Variants in MUC5B observed in about 807,000 individuals in gnomAD.
MUC5B encodes mucin-5B.
In MUC5B, 116 loss-of-function variants were observed where a neutral mutation model predicts 376.9. The ratio of observed to expected loss-of-function variants is 0.31; its 90% confidence interval spans 0.26 to 0.36. MUC5B has a LOEUF of 0.36. MUC5B is among the 10% of genes least tolerant of loss of function. The probability of loss-of-function intolerance (pLI) is 1.00; values close to 1 mark genes in which losing one functional copy is unlikely to be tolerated. For synonymous variants in MUC5B, 3,517 were observed against 3,390.9 expected (o/e 1.04, Z -1.29); for missense variants, 7,165 against 7,769.9 (o/e 0.92, Z 2.93).
At chr11:1,231,032 G>A in intron 13 of MUC5B, 27 bp downstream of exon 13, 4 of 1,555,508 alleles carry the variant, frequency 2.6e-6, no homozygotes, top group Non-Finnish European at 3.5e-6. Context: ...GGACGGCCGG[G>A]CTGGGTGGCG....
In MUC5B at chr11:1,244,304, C is replaced by T. The variant is rs375697874; in HGVS notation, c.7424C>T (p.Thr2475Met). ...GAGCCGAGCACTACAGCCACCGTGA[C>T]GGTGCCCACCGGATCCACGGCCACC... ...LTEPSTTATV[T>M]VPTGSTATAS... The change falls in exon 31 of 49, where the codon ACG (threonine) becomes ATG (methionine). Residue 2475 changes from threonine to methionine, a missense_variant. This residue lies in a region of MUC5B where 194 missense variants were observed against 268.5 expected (regional missense o/e 0.72). Coordinates refer to ENST00000529681, the MANE Select transcript of MUC5B (RefSeq NM_002458.3). The T allele has an allele frequency of 5.4e-4, 860 of 1,605,106 alleles. 3 individuals are homozygous for T. In the East Asian group the frequency reaches 0.015, roughly 28 times the overall value.
rs377558815 is a variant in MUC5B at position 1,233,088 on chromosome 11, G to T, written c.2141G>T (p.Gly714Val). 46 of 1,607,414 alleles carry T rather than the reference G, an allele frequency of 2.9e-5. No homozygotes were observed. Among genetic ancestry groups the T allele is most frequent in the Non-Finnish European group, 2.6e-5 (31 of 1,179,290 alleles). ...VVDACQPTCR[G>V]LSEADVTCSV... ...GATGCCTGCCAGCCCACTTGCCGCG[G>T]CCTGAGTGAGGCCGACGTCACCTGC... The change falls in exon 18 of 49, where the codon GGC becomes GTC. Residue 714 changes from glycine to valine, a missense_variant. This residue lies in a region of MUC5B where 530 missense variants were observed against 604.0 expected (regional missense o/e 0.88). Coordinates refer to ENST00000529681, the MANE Select transcript of MUC5B (RefSeq NM_002458.3).
intron 9 of MUC5B, 113 bp downstream of exon 9, chr11:1,229,408 C>A: frequency 7.8e-7 from 1 of 1,276,972 alleles, no homozygotes; most frequent in Non-Finnish European, 1.1e-6. Context: ...AAGGTCCCAC[C>A]AGAGGGCCCA....
At position 1,252,473 on chromosome 11, in the gene MUC5B, G is replaced by A. The variant is rs1359145411; in HGVS notation, c.14994G>A (p.Leu4998=). The change falls in exon 32 of 49, where the codon CTG becomes CTA. Residue 4998 remains leucine (L), a synonymous_variant. Coordinates refer to ENST00000529681, the MANE Select transcript of MUC5B (RefSeq NM_002458.3). The part of the protein sequence containing the change: ...TSPPPVSSAP[L]SSPSPAPGCD... ...CACCGCCAGTGTCCTCCGCCCCGCT[G>A]TCCTCGCCCTCCCCTGCCCCTGGCT... The A allele has an allele frequency of 1.3e-6, 2 of 1,594,616 alleles. No individual in the cohort carries two copies. Among genetic ancestry groups the A allele is most frequent in the Non-Finnish European group, 1.7e-6 (2 of 1,171,618 alleles).
chr11:1,241,585 G>T lies in MUC5B; in HGVS notation c.4705G>T (p.Asp1569Tyr). 6.2e-7 allele frequency: 1 copy of T among 1,612,300 alleles called. No individual in the cohort carries two copies. The highest frequency in any genetic ancestry group is 8.5e-7 in the Non-Finnish European group (1 of 1,179,290). ...ACAGGTGGGGCAGAAGGTGCACTGT[G>T]ACGTCCACTTCGGCCTGGTGTGCAG... ...LAQVGQKVHCDVHFGLVCRNW... is the reference protein window; with the variant it reads ...LAQVGQKVHCYVHFGLVCRNW... The change falls in exon 31 of 49, where the codon GAC becomes TAC. Residue 1569 changes from aspartate to tyrosine, a missense_variant. Physicochemically the swap from Asp to Tyr is radical, Grantham distance 160 (BLOSUM62 -3). Transcript: ENST00000529681.
chr11:1,223,617 C>T (rs577495018), intron 1 of MUC5B, among the ~76,000 whole-genome samples: 3 of 152,276 alleles, frequency 2.0e-5, no homozygotes, highest in African/African-American at 4.8e-5. Context: ...CTACCCTTCA[C>T]GACCTCCCTG....
At chr11:1,239,715 G>A in intron 27 of MUC5B, 84 bp from the exon 28 acceptor site, 1 of 1,500,332 alleles carries the variant, frequency 6.7e-7, no homozygotes, top group South Asian at 1.3e-5. Context: ...CTGGTGGGGG[G>A]CGGCTACTCC....
rs775597611 is a variant in MUC5B at position 1,243,690 on chromosome 11, G to T, written c.6810G>T (p.Thr2270=). The part of the protein sequence containing the change: ...RTTESPPSPG[T]TTPGHTTATS... Reference sequence around the variant, plus strand: ...CCGAGTCACCCCCTTCTCCAGGGACGACCACCCCGGGCCACACCACGGCCA... The same window carrying T: ...CCGAGTCACCCCCTTCTCCAGGGACTACCACCCCGGGCCACACCACGGCCA... Residue 2270 remains threonine, a synonymous_variant, in exon 31 of 49, where the codon ACG becomes ACT. Coordinates refer to ENST00000529681, the MANE Select transcript of MUC5B (RefSeq NM_002458.3). The T allele has an allele frequency of 6.2e-7, 1 of 1,610,806 alleles. No individual in the cohort carries two copies. The highest frequency in any genetic ancestry group is 1.7e-5 in the Admixed American group (1 of 59,940).
In MUC5B at chr11:1,233,907, T is replaced by C. The variant is rs931433580; in HGVS notation, c.2377+59T>C. On this transcript the variant is annotated intron_variant, in intron 19 of 48. Transcript: ENST00000529681. The stretch of plus-strand genomic sequence containing the variant: ...CCGCCCCGCATCACCCCGCCTGGCC[T>C]GGCCCCAACACGCCCCACCCTGCCC... 130 of 1,502,662 alleles carry C rather than the reference T, an allele frequency of 8.7e-5. No individual in the cohort carries two copies. The African/African-American group carries it at 1.6e-3, about 18-fold the overall frequency. The allele number at this position is 1,502,662 out of a possible 1,614,324, so 93.1% of individuals were successfully genotyped here.
rs55953405 is a variant in MUC5B at position 1,239,727 on chromosome 11, T to C, written c.3584-72T>C. ...TGGCTGGTGGGGGGCGGCTACTCCC[T>C]GCAGCATGGAGCCCCTGGCTGGAGA... is the stretch of plus-strand genomic sequence containing the variant. On this transcript the variant is annotated intron_variant, in intron 27 of 48. Coordinates refer to ENST00000529681, the MANE Select transcript of MUC5B (RefSeq NM_002458.3). The C allele has an allele frequency of 3.9e-4, 602 of 1,527,222 alleles. 8 individuals carry two copies. The East Asian group carries it at 9.2e-3, about 23-fold the overall frequency. 94.6% of individuals were successfully genotyped at this position (1,527,222 alleles called of 1,614,324 possible).
At position 1,230,575 on chromosome 11, in the gene MUC5B, C is replaced by T. The variant is rs373320153; in HGVS notation, c.1445C>T (p.Thr482Met). The part of the protein sequence containing the change: ...TDNENCLKAV[T>M]LSLDGGDTAI... Reference sequence around the variant, plus strand: ...AACGAGAACTGCCTGAAAGCGGTGACGCTCAGCCTGGACGGCGGGGACACG... The same window carrying T: ...AACGAGAACTGCCTGAAAGCGGTGATGCTCAGCCTGGACGGCGGGGACACG... Residue 482 changes from threonine to methionine, a missense_variant, in exon 12 of 49, where the codon ACG (threonine) becomes ATG (methionine). Physicochemically the swap from Thr to Met is moderately conservative, Grantham distance 81. This residue lies in a region of MUC5B where 640 missense variants were observed against 733.0 expected (regional missense o/e 0.87). Coordinates refer to ENST00000529681, the MANE Select transcript of MUC5B (RefSeq NM_002458.3). 1.2e-4 allele frequency: 197 copies of T among 1,610,400 alleles called. No homozygotes were observed. Among genetic ancestry groups the T allele is most frequent in the Middle Eastern group, 9.9e-4 (6 of 6,070 alleles).
rs559627277 is a variant in MUC5B, at chr11:1,233,801, C to T, written c.2330C>T (p.Thr777Met). The change falls in exon 19 of 49, where the codon ACG becomes ATG. Residue 777 changes from threonine to methionine, a missense_variant. Thr to Met is a moderately conservative substitution (Grantham distance 81). Around this residue, in one of 31 missense-constraint regions of MUC5B, gnomAD observed 530 missense variants for 604.0 expected, o/e 0.88. Coordinates refer to ENST00000529681, the MANE Select transcript of MUC5B (RefSeq NM_002458.3). ...VHDEGAVCSC[T>M]GGKLSCLGAS... ...CCGTCTGTCTCTTGTAGTTCATGTA[C>T]GGGTGGGAAGCTAAGCTGCCTGGGA... 3.9e-5 allele frequency: 63 copies of T among 1,605,102 alleles called. No homozygotes were observed. The East Asian group carries it at 7.2e-4, about 18-fold the overall frequency.
At position 1,226,913 on chromosome 11, in the gene MUC5B, C is replaced by T. The variant is rs369859216; in HGVS notation, c.461+37C>T. 3.1e-6 allele frequency: 5 copies of T among 1,596,634 alleles called. No individual in the cohort carries two copies. In the African/African-American group the frequency reaches 5.4e-5, roughly 17 times the overall value. ...ACCCTGGGGAGGGGCGAGGGCCGGG[C>T]CACACAGTGTGACCTCCCCACACGG... On this transcript the variant is annotated intron_variant, in intron 4 of 48. Transcript: ENST00000529681.
At position 1,248,610 on chromosome 11, in the gene MUC5B, G is replaced by C. The variant is rs775133420; in HGVS notation, c.11730G>C (p.Pro3910=). The C allele has an allele frequency of 1.9e-6, 3 of 1,611,470 alleles. No individual in the cohort carries two copies. Among genetic ancestry groups the C allele is most frequent in the Admixed American group, 1.7e-5 (1 of 59,742 alleles). The change falls in exon 31 of 49, where the codon CCG becomes CCC. Residue 3910 remains proline, a synonymous_variant. Coordinates refer to ENST00000529681, the MANE Select transcript of MUC5B (RefSeq NM_002458.3). Reference sequence around the variant, plus strand: ...CCACGGTGACCCCCTCCTCCGTCCCGGGGACCACCCACACCCCCACAGTGC... The same window carrying C: ...CCACGGTGACCCCCTCCTCCGTCCCCGGGACCACCCACACCCCCACAGTGC... ...SGSTVTPSSV[P]GTTHTPTVLT...
Position 1,255,573 on chromosome 11 carries a change from C to T in MUC5B, c.16066+15C>T. ...TGGCCTGTGCGGTGAGTGGGGGCGG[C>T]CCCGGGCCCCCCAGACCCCTCGGCC... On this transcript the variant is annotated intron_variant, in intron 37 of 48. Coordinates refer to ENST00000529681, the MANE Select transcript of MUC5B (RefSeq NM_002458.3). 6.7e-7 allele frequency: 1 copy of T among 1,497,494 alleles called. No individual in the cohort carries two copies. The highest frequency in any genetic ancestry group is 9.0e-7 in the Non-Finnish European group (1 of 1,117,312). 92.8% of individuals were successfully genotyped at this position (1,497,494 alleles called of 1,614,324 possible).
chr11:1,245,913 C>A lies in MUC5B; in HGVS notation c.9033C>A (p.Ile3011=), dbSNP rs937205618. 1.8e-5 allele frequency: 29 copies of A among 1,613,054 alleles called. No homozygotes were observed. Among genetic ancestry groups the A allele is most frequent in the African/African-American group, 2.7e-5 (2 of 74,464 alleles). ...CCGCAACCACTGGATCCACGGCCAT[C>A]CCGTCCTCCACCCCGGGAACAGCTC... The part of the protein sequence containing the change: ...TTTATTGSTA[I]PSSTPGTAPP... The change falls in exon 31 of 49, where the codon ATC becomes ATA. Residue 3011 remains isoleucine (I), a synonymous_variant. Transcript: ENST00000529681.
chr11:1,247,319 G>C lies in MUC5B; in HGVS notation c.10439G>C (p.Gly3480Ala). The C allele has an allele frequency of 6.2e-7, 1 of 1,611,168 alleles. No individual in the cohort carries two copies. The highest frequency in any genetic ancestry group is 8.5e-7 in the Non-Finnish European group (1 of 1,179,436). The change falls in exon 31 of 49, where the codon GGC becomes GCC. Residue 3480 changes from glycine (G) to alanine (A), a missense_variant. Gly to Ala is a moderately conservative substitution (Grantham distance 60, BLOSUM62 0). Coordinates refer to ENST00000529681, the MANE Select transcript of MUC5B (RefSeq NM_002458.3). ...AWTSATSGIL[G>A]TTHITEPSTV... is the part of the protein sequence containing the mutation. ...ACTTCGGCCACCTCGGGCATCTTGG[G>C]CACCACCCACATCACAGAGCCTTCC...
chr11:1,226,961 C>CT, intron 4 of MUC5B, 70 bp from the exon 5 acceptor site: 4 of 590,158 alleles, frequency 6.8e-6, no homozygotes, highest in Non-Finnish European at 1.2e-5. Flanking sequence ...TGGGCCAGGG[C>CT]TGGGGGGGGG....
chr11:1,227,915 C>T (rs1282366603), intron 7 of MUC5B, 134 bp downstream of exon 7: 3 of 609,978 alleles, frequency 4.9e-6, no homozygotes, highest in African/African-American at 3.7e-5. Context: ...CAGCCACCCT[C>T]TGTGTGCTCA....
Sources: allele counts gnomAD v4.1 joint callset (sites outside exome capture counted in the v4.1 genomes callset), GRCh38; gene constraint gnomAD v4.1.1; regional missense constraint gnomAD v4.1.1; transcripts MANE v1.5; gene names NCBI Gene and HGNC (gene_info 2026-07-23, HGNC 2026-07-21).